The following TMEM40 variants were observed in gnomAD, a reference collection of about 807,000 sequenced individuals.
TMEM40 encodes the protein transmembrane protein 40.
In TMEM40, 34 loss-of-function variants were observed where a neutral mutation model predicts 40.8. The ratio of observed to expected loss-of-function variants is 0.83; its 90% CI spans 0.63 to 1.11. TMEM40 has a LOEUF of 1.11. Among genes scored for constraint, TMEM40 ranks in the 50% least tolerant of loss-of-function variants. The pLI is 0.00. For synonymous variants in TMEM40, 106 were observed against 107.0 expected (o/e 0.99, Z 0.06); for missense variants, 296 against 280.2 (o/e 1.06, Z -0.40).
At chr3:12,743,337 C>A (rs1276346251) in intron 4 of TMEM40, among the ~76,000 whole-genome samples, 1 of 152,086 alleles carries the variant, frequency 6.6e-6, no homozygotes, top group Non-Finnish European at 1.5e-5. Context: ...CATGGTGGCG[C>A]ATGCCTGTAA....
chr3:12,736,701 C>A (rs1304655398), intron 9 of TMEM40, 49 bp from the exon 10 acceptor site: 1 of 1,613,560 alleles, frequency 6.2e-7, no homozygotes, highest in African/African-American at 1.3e-5. Context: ...GTCTTGACGC[C>A]CCTGCCCCCT....
chr3:12,749,752 AAAC>A lies in TMEM40; in HGVS notation c.73+5_73+7del. On this transcript the variant is annotated splice_donor_5th_base_variant and intron_variant, in intron 2 of 11. Coordinates refer to ENST00000314124, the MANE Select transcript of TMEM40 (RefSeq NM_018306.4). ...TTTTGCCCAGAGGGTCAGAGAAGGC[AAAC>A]GTACAGTCTACATCTTCTGTTTCTC... 6.2e-7 allele frequency: 1 copy of A among 1,613,154 alleles called. No homozygotes were observed. Among genetic ancestry groups the A allele is most frequent in the South Asian group, 1.1e-5 (1 of 90,870 alleles).
chr3:12,753,211 CTTTTTTTTTTTTT>C (rs56739791), intron 1 of TMEM40, among the ~76,000 whole-genome samples: 12 of 76,292 alleles, frequency 1.6e-4, no homozygotes, highest in Admixed American at 7.4e-4. Flanking sequence ...TTCTTTCTTT[CTTTTTTTTTTTTT>C]TTTTTTTTTT....
chr3:12,735,493 T>C, intron 11 of TMEM40, 62 bp downstream of exon 11: 1 of 1,545,888 alleles, frequency 6.5e-7, no homozygotes, highest in Admixed American at 1.7e-5. Context: ...GCTAAGCCTC[T>C]TTCTAAATGA....
At chr3:12,738,473 G>A in intron 6 of TMEM40, 80 bp downstream of exon 6, 1 of 1,485,264 alleles carries the variant, frequency 6.7e-7, no homozygotes. Flanking sequence ...ACAGGTGCTG[G>A]CTCTCTTGGG....
rs184134313 is a variant in TMEM40 at position 12,766,855 on chromosome 3, G to C, written c.-9+2396C>G. Among the ~76,000 whole-genome samples, 233 of 146,254 alleles carry C rather than the reference G, an allele frequency of 1.6e-3. 3 individuals are homozygous for C. Among genetic ancestry groups the C allele is most frequent in the Non-Finnish European group, 2.6e-4 (18 of 68,016 alleles). ...GAGTTTAGGGGCAGAGGGGGGACCA[G>C]GACCCAGATCTCCTCCTGACCCTCG... On this transcript the variant is annotated intron_variant, in intron 1 of 11. Coordinates refer to the TMEM40 transcript ENST00000264728.
rs896120426 is a variant in TMEM40, at chr3:12,733,596, A to C, written c.*1178T>G. ...GATCTGTGCACTCTGGGCTCCCGTT[A>C]AATTAGGTTACATACAAGTACTTGA... On this transcript the variant is annotated 3_prime_UTR_variant, in exon 12 of 12. Coordinates refer to ENST00000314124, the MANE Select transcript of TMEM40 (RefSeq NM_018306.4). 1 of 152,070 alleles carries C rather than the reference A, an allele frequency of 6.6e-6. No homozygotes were observed. The highest frequency in any genetic ancestry group is 1.5e-5 in the Non-Finnish European group (1 of 68,010). The allele number at this position is 152,070 out of a possible 1,614,324, so 9.4% of individuals were successfully genotyped here.
chr3:12,756,886 A>T (rs143665095), intron 1 of TMEM40, among the ~76,000 whole-genome samples: 335 of 151,992 alleles, frequency 2.2e-3, no homozygotes, highest in Middle Eastern at 3.4e-3. Context: ...ACACATACAC[A>T]CACACAACTG....
At chr3:12,735,767 T>C in intron 10 of TMEM40, 150 bp from the exon 11 acceptor site, 1 of 583,000 alleles carries the variant, frequency 1.7e-6, no homozygotes, top group Non-Finnish European at 2.9e-6. Context: ...GTACTAGAGT[T>C]ATTATTACTA....
chr3:12,745,729 G>A (rs1324538617), intron 3 of TMEM40, among the ~76,000 whole-genome samples: 2 of 152,164 alleles, frequency 1.3e-5, no homozygotes, highest in Non-Finnish European at 2.9e-5. Context: ...AATTACAGGC[G>A]TGAGCCACTG....
At chr3:12,745,934 G>C (rs1339571409) in intron 3 of TMEM40, among the ~76,000 whole-genome samples, 2 of 150,028 alleles carry the variant, frequency 1.3e-5, no homozygotes, top group Non-Finnish European at 3.0e-5. Flanking sequence ...GTCTCACTCT[G>C]TCACCCAGGT....
chr3:12,752,276 A>T (rs2061483499), intron 1 of TMEM40, among the ~76,000 whole-genome samples: 1 of 152,160 alleles, frequency 6.6e-6, no homozygotes, highest in Admixed American at 6.5e-5. Flanking sequence ...TAGATCACGA[A>T]TGCAGCCTAA....
rs772036291 is a variant in TMEM40 at position 12,736,751 on chromosome 3, C to T, written c.544+13G>A. The T allele has an allele frequency of 2.5e-6, 4 of 1,614,148 alleles. No homozygotes were observed. In the Admixed American group the frequency reaches 6.7e-5, roughly 27 times the overall value. The stretch of plus-strand genomic sequence containing the variant: ...CATCCCCCTTGTGCATTCCCCAGGG[C>T]ACCTCCCCTCACCTGCGTAATAGTG... On this transcript the variant is annotated intron_variant, in intron 9 of 11. Transcript: ENST00000314124.
In TMEM40 at chr3:12,755,213, TTCTCTCTCTCTC is replaced by T. The variant is rs754041538; in HGVS notation, c.-9+3966_-9+3977del. Among the ~76,000 whole-genome samples the T allele has an allele frequency of 1.2e-3, 117 of 94,312 alleles. 1 individual carries two copies. Among genetic ancestry groups the T allele is most frequent in the South Asian group, 5.9e-3 (18 of 3,034 alleles). The allele number at this position is 94,312 out of a possible 152,430, so 61.9% of individuals were successfully genotyped here. A position where few individuals can be genotyped will look rare whatever the true frequency, so the allele number is the denominator to read the frequency against. ...TTCCTTCCTTCCTTTCTTTCTTTCTTTCTCTCTCTCTCTCTCTCTCTCTTTCTTTCTTTCTTT... is the reference window on the plus strand; with the variant it reads ...TTCCTTCCTTCCTTTCTTTCTTTCTTTCTCTCTCTCTTTCTTTCTTTCTTT... On this transcript the variant is annotated intron_variant, in intron 1 of 11. Transcript: ENST00000314124.
intron 1 of TMEM40, among the ~76,000 whole-genome samples, chr3:12,757,469 CAAA>C (rs796454706): frequency 3.4e-5 from 3 of 87,264 alleles, no homozygotes; most frequent in Non-Finnish European, 7.8e-5. Context: ...AACTCCGTCT[CAAA>C]AAAAAAAAAA....
upstream of TMEM40, among the ~76,000 whole-genome samples, chr3:12,760,163 T>G (rs1470820225): frequency 3.9e-5 from 6 of 152,274 alleles, no homozygotes; most frequent in African/African-American, 1.4e-4. Context: ...ACTCCTCAAC[T>G]GTCACCTTGA....
At chr3:12,758,629 T>C (rs1192216618) in intron 1 of TMEM40, among the ~76,000 whole-genome samples, 1 of 152,130 alleles carries the variant, frequency 6.6e-6, no homozygotes, top group South Asian at 2.1e-4. Context: ...GGGGTGCCTT[T>C]GAGCTGGAGG....
At chr3:12,743,483 T>A (rs2061399234) in intron 4 of TMEM40, among the ~76,000 whole-genome samples, 1 of 151,888 alleles carries the variant, frequency 6.6e-6, no homozygotes, top group Non-Finnish European at 1.5e-5. Context: ...AATAAATAAA[T>A]AAAATAAAAA....
chr3:12,745,366 C>G (rs58381828), intron 3 of TMEM40, among the ~76,000 whole-genome samples: 3 of 151,894 alleles, frequency 2.0e-5, no homozygotes, highest in Non-Finnish European at 4.4e-5. Context: ...CCACACCTGG[C>G]AATTACTCCA....
Sources: gnomAD v4.1 joint callset for allele counts (sites outside exome capture counted in the v4.1 genomes callset) on GRCh38, gnomAD v4.1.1 for gene constraint, MANE v1.5 for transcripts, NCBI Gene and HGNC (gene_info 2026-07-23, HGNC 2026-07-21) for gene names.